Variants in EGLN2 observed in about 807,000 individuals in gnomAD.
The protein encoded by EGLN2 is prolyl hydroxylase EGLN2.
Under a neutral mutation model 38.2 loss-of-function variants are expected in EGLN2, and 15 were observed. The ratio of observed to expected loss-of-function variants is 0.39; its 90% CI spans 0.26 to 0.60. The LOEUF is 0.60. Among genes scored for constraint, EGLN2 ranks in the 20% least tolerant of loss-of-function variants. The probability of loss-of-function intolerance (pLI) is 0.50; values close to 1 mark genes in which losing one functional copy is unlikely to be tolerated. For synonymous variants in EGLN2, 284 were observed against 237.4 expected (o/e 1.20, Z -1.81); for missense variants, 492 against 570.4 (o/e 0.86, Z 1.40).
chr19:40,806,034 A>G (rs987854287), intron 2 of EGLN2: 4 of 154,208 alleles, frequency 2.6e-5, no homozygotes, highest in African/African-American at 9.6e-5. Context: ...CCAGGGCAGC[A>G]GTTCTTAACA....
In EGLN2 at chr19:40,807,943, C is replaced by A; in HGVS notation, c.*79C>A. ...TGGGCCTGTGCTGGCTGCTCCTTCC[C>A]TGCCACCGCTGCTGCTTCTGACTTT... On this transcript the variant is annotated 3_prime_UTR_variant, in exon 6 of 6. Coordinates refer to ENST00000303961, the MANE Select transcript of EGLN2 (RefSeq NM_080732.4). 1 of 1,357,428 alleles carries A rather than the reference C, an allele frequency of 7.4e-7. No individual in the cohort carries two copies. Among genetic ancestry groups the A allele is most frequent in the Non-Finnish European group, 1.0e-6 (1 of 962,668 alleles). The allele number at this position is 1,357,428 out of a possible 1,614,324, so 84.1% of individuals were successfully genotyped here. A position where few individuals can be genotyped will look rare whatever the true frequency, so the allele number is the denominator to read the frequency against.
Position 40,800,414 on chromosome 19 carries a change from C to T in EGLN2, c.-159C>T. On this transcript the variant is annotated 5_prime_UTR_variant, in exon 2 of 6. The change creates a new upstream start codon in the 5' untranslated region. Transcript: ENST00000303961. ...GGACCAGCAAGCAACCCCCAGGGCA[C>T]GAGAAGAGCTCTTGCTGTCTGCCCT... The T allele has an allele frequency of 8.6e-7, 1 of 1,160,644 alleles. No homozygotes were observed. The highest frequency in any genetic ancestry group is 1.2e-6 in the Non-Finnish European group (1 of 851,680). The allele number at this position is 1,160,644 out of a possible 1,614,324, so 71.9% of individuals were successfully genotyped here.
At chr19:40,806,777 C>G in intron 3 of EGLN2, 103 bp downstream of exon 3, 1 of 1,468,232 alleles carries the variant, frequency 6.8e-7, no homozygotes, top group Non-Finnish European at 9.3e-7. Flanking sequence ...TTCTGGCATT[C>G]TCCTGTTTCT....
chr19:40,802,021 G>C (rs550315976), intron 2 of EGLN2, among the ~76,000 whole-genome samples: 10 of 152,088 alleles, frequency 6.6e-5, no homozygotes, highest in African/African-American at 1.9e-4. Flanking sequence ...GACCAAGCAC[G>C]GGGATGTAGA....
In EGLN2 at chr19:40,800,431, G is replaced by A. The variant is rs1488822332; in HGVS notation, c.-142G>A. On this transcript the variant is annotated 5_prime_UTR_variant, in exon 2 of 6. Transcript: ENST00000303961. ...CCAGGGCACGAGAAGAGCTCTTGCT[G>A]TCTGCCCTGCCTCACCCTGCCCCAC... The A allele has an allele frequency of 6.2e-6, 8 of 1,299,594 alleles. No homozygotes were observed. The highest frequency in any genetic ancestry group is 8.2e-6 in the Non-Finnish European group (8 of 976,330). 80.5% of individuals were successfully genotyped at this position (1,299,594 alleles called of 1,614,324 possible). A position where few individuals can be genotyped will look rare whatever the true frequency, so the allele number is the denominator to read the frequency against.
At chr19:40,799,900 A>ACCCCCCCCCCCCCCCCCCCCC (rs1031134784) in intron 1 of EGLN2, 1 of 80,874 alleles carries the variant, frequency 1.2e-5, no homozygotes. Flanking sequence ...CTGTCTTTTG[A>ACCCCCCCCCCCCCCCCCCCCC]CCCCCCCGCC....
chr19:40,801,009 G>A lies in EGLN2; in HGVS notation c.437G>A (p.Arg146Gln), dbSNP rs759048732. 22 of 1,612,956 alleles carry A rather than the reference G, an allele frequency of 1.4e-5. No individual in the cohort carries two copies. Among genetic ancestry groups the A allele is most frequent in the Non-Finnish European group, 1.7e-5 (20 of 1,179,796 alleles). ...WARQENQEAE[R>Q]EGGMSCSCSS... is the part of the protein sequence containing the mutation. ...AGGCAAGAGAACCAGGAGGCAGAGCGGGAGGGTGGCATGAGCTGCAGCTGC... is the reference window on the plus strand; with the variant it reads ...AGGCAAGAGAACCAGGAGGCAGAGCAGGAGGGTGGCATGAGCTGCAGCTGC... Residue 146 changes from arginine to glutamine, a missense_variant, in exon 2 of 6, where the codon CGG becomes CAG. Arg to Gln is a conservative substitution (Grantham distance 43). This residue lies in a region of EGLN2 where 378 missense variants were observed against 386.2 expected (regional missense o/e 0.98). Coordinates refer to ENST00000303961, the MANE Select transcript of EGLN2 (RefSeq NM_080732.4).
intron 2 of EGLN2, chr19:40,804,871 A>G (rs1257709278): frequency 6.6e-6 from 1 of 152,182 alleles, no homozygotes; most frequent in African/African-American, 2.4e-5. Context: ...TGCCAGAGAG[A>G]AGGTTGTCAG....
At chr19:40,805,961 G>A (rs1415155858) in intron 2 of EGLN2, 1 of 153,418 alleles carries the variant, frequency 6.5e-6, no homozygotes, top group East Asian at 1.9e-4. Context: ...TATTCAGACT[G>A]TAGCTTTTGG....
chr19:40,800,438 C>T lies in EGLN2; in HGVS notation c.-135C>T, dbSNP rs1353213002. The stretch of plus-strand genomic sequence containing the variant: ...ACGAGAAGAGCTCTTGCTGTCTGCC[C>T]TGCCTCACCCTGCCCCACGCCAGGC... On this transcript the variant is annotated 5_prime_UTR_variant, in exon 2 of 6. Coordinates refer to ENST00000303961, the MANE Select transcript of EGLN2 (RefSeq NM_080732.4). The T allele has an allele frequency of 1.5e-6, 2 of 1,347,026 alleles. No homozygotes were observed. The highest frequency in any genetic ancestry group is 2.0e-6 in the Non-Finnish European group (2 of 1,018,838). 83.4% of individuals were successfully genotyped at this position (1,347,026 alleles called of 1,614,324 possible). A position where few individuals can be genotyped will look rare whatever the true frequency, so the allele number is the denominator to read the frequency against.
Position 40,801,265 on chromosome 19 carries a change from G to A in EGLN2, c.693G>A (p.Pro231=), listed in dbSNP as rs2545763. Residue 231 remains proline (P), a synonymous_variant, in exon 2 of 6, where the codon CCG becomes CCA. Coordinates refer to ENST00000303961, the MANE Select transcript of EGLN2 (RefSeq NM_080732.4). ...DGQLVSQRAI[P]PRSIRGDQIA... ...AGCTAGTGAGCCAGAGGGCGATCCCGCCGCGCAGCATCCGTGGGGACCAGA... is the reference window on the plus strand; with the variant it reads ...AGCTAGTGAGCCAGAGGGCGATCCCACCGCGCAGCATCCGTGGGGACCAGA... 90,217 of 1,612,864 alleles carry A rather than the reference G, an allele frequency of 0.056. 3,743 individuals carry two copies. The highest frequency in any genetic ancestry group is 0.26 in the East Asian group (11,606 of 44,872).
At chr19:40,805,684 C>G (rs1334181209) in intron 2 of EGLN2, 1 of 152,266 alleles carries the variant, frequency 6.6e-6, no homozygotes, top group Non-Finnish European at 1.5e-5. Flanking sequence ...CATTGTAGGG[C>G]TGGGTCAGGG....
intron 2 of EGLN2, among the ~76,000 whole-genome samples, chr19:40,801,741 A>G (rs1345389701): frequency 6.8e-6 from 1 of 147,378 alleles, no homozygotes; most frequent in African/African-American, 2.5e-5. Flanking sequence ...GTCACAGGAC[A>G]ATAGTGGAGG....
chr19:40,804,992 G>A (rs2052194369), intron 2 of EGLN2: 1 of 152,322 alleles, frequency 6.6e-6, no homozygotes, highest in Non-Finnish European at 1.5e-5. Context: ...CCACCACAGA[G>A]GGTGAGCCCT....
At chr19:40,807,617 T>C in intron 5 of EGLN2, 66 bp downstream of exon 5, 1 of 1,540,184 alleles carries the variant, frequency 6.5e-7, no homozygotes, top group Non-Finnish European at 9.0e-7. Flanking sequence ...TGCCACCCCA[T>C]CCCCCTCATC....
rs769866338 is a variant in EGLN2, at chr19:40,800,865, C to T, written c.293C>T (p.Ala98Val). 16 of 1,612,044 alleles carry T rather than the reference C, an allele frequency of 9.9e-6. No homozygotes were observed. Among genetic ancestry groups the T allele is most frequent in the South Asian group, 3.3e-5 (3 of 90,952 alleles). ...CCGCTGCAGAGTGAAGGCGCTGCAG[C>T]GCTGGTCACCAAGGGGTGCCAGCGA... ...LRPLQSEGAA[A>V]LVTKGCQRLA... Residue 98 changes from alanine to valine, a missense_variant, in exon 2 of 6, where the codon GCG (alanine) becomes GTG (valine). Coordinates refer to ENST00000303961, the MANE Select transcript of EGLN2 (RefSeq NM_080732.4).
intron 3 of EGLN2, chr19:40,806,925 T>C: frequency 2.1e-6 from 2 of 943,854 alleles, no homozygotes; most frequent in Non-Finnish European, 3.1e-6. Context: ...CCCGGCCTTG[T>C]AATGAACACT....
At position 40,806,875 on chromosome 19, in the gene EGLN2, C is replaced by A. The variant is rs2083306426; in HGVS notation, c.963+201C>A. 5 of 930,482 alleles carry A rather than the reference C, an allele frequency of 5.4e-6. No individual in the cohort carries two copies. In the East Asian group the frequency reaches 1.3e-4, roughly 25 times the overall value. The allele number at this position is 930,482 out of a possible 1,614,324, so 57.6% of individuals were successfully genotyped here. ...TCTCTAGCGGACTGTGTGGTGGGAA[C>A]TCCCCTCTTTCCGGGAATGGTGCTG... is the stretch of plus-strand genomic sequence containing the variant. On this transcript the variant is annotated intron_variant, in intron 3 of 5. Transcript: ENST00000303961.
In EGLN2 at chr19:40,808,012, G is replaced by T; in HGVS notation, c.*148G>T. 2.6e-6 allele frequency: 2 copies of T among 760,434 alleles called. No homozygotes were observed. The highest frequency in any genetic ancestry group is 1.7e-5 in the South Asian group (1 of 58,546). 47.1% of individuals were successfully genotyped at this position (760,434 alleles called of 1,614,324 possible). A position where few individuals can be genotyped will look rare whatever the true frequency, so the allele number is the denominator to read the frequency against. ...GTGGAGGGCTCTGTCTGTTGCTGAG[G>T]ACCAAGGAGGAGAAGAGACCTTTGC... On this transcript the variant is annotated 3_prime_UTR_variant, in exon 6 of 6. Coordinates refer to ENST00000303961, the MANE Select transcript of EGLN2 (RefSeq NM_080732.4).
Sources: gnomAD v4.1 joint callset for allele counts (sites outside exome capture counted in the v4.1 genomes callset) on GRCh38, gnomAD v4.1.1 for gene constraint, gnomAD v4.1.1 regional missense constraint, MANE v1.5 for transcripts, NCBI Gene and HGNC (gene_info 2026-07-23, HGNC 2026-07-21) for gene names.